Variants in LINGO2 observed in about 807,000 individuals in gnomAD.
LINGO2 encodes the protein leucine rich repeat and Ig domain containing 2, also known as leucine-rich repeat and immunoglobulin-like domain-containing nogo receptor-interacting protein 2.
Under a neutral mutation model 30.6 loss-of-function variants are expected in LINGO2, and 14 were observed. That is an observed-to-expected ratio of 0.46 (90% CI 0.30 to 0.72). The LOEUF is 0.72. LINGO2 is among the 30% of genes least tolerant of loss of function. LINGO2 has a pLI of 0.07. For synonymous variants in LINGO2, 317 were observed against 288.5 expected (o/e 1.10, Z -1.00); for missense variants, 729 against 751.7 (o/e 0.97, Z 0.35).
At chr9:29,020,958 T>C in the LINGO2 span, among the ~76,000 whole-genome samples, 23 of 152,172 alleles carry the variant, frequency 1.5e-4, no homozygotes, top group East Asian at 4.1e-3. Flanking sequence ...AAAATAAGCA[T>C]AATAAAAGTC....
chr9:28,497,698 G>A (rs766840073), intron 1 of LINGO2, among the ~76,000 whole-genome samples: 2 of 152,158 alleles, frequency 1.3e-5, no homozygotes, highest in Non-Finnish European at 2.9e-5. Flanking sequence ...TCCGTTGCTG[G>A]TGAGGAGTTG....
chr9:28,310,259 G>T (rs1433885266), intron 3 of LINGO2, among the ~76,000 whole-genome samples: 1 of 152,006 alleles, frequency 6.6e-6, no homozygotes. Flanking sequence ...AACTTTTTTG[G>T]CAGTTTTCCA....
At chr9:28,007,007 C>G (rs1399738923) in intron 5 of LINGO2, among the ~76,000 whole-genome samples, 2 of 152,124 alleles carry the variant, frequency 1.3e-5, no homozygotes, top group Non-Finnish European at 2.9e-5. Flanking sequence ...TGCTTCCAAT[C>G]TGGACCCTTG....
intron 1 of LINGO2, among the ~76,000 whole-genome samples, chr9:28,657,117 C>T (rs971628467): frequency 6.7e-6 from 1 of 149,264 alleles, no homozygotes. Flanking sequence ...TCTTGACCCA[C>T]CAAAAAAAAT....
the LINGO2 span, among the ~76,000 whole-genome samples, chr9:28,782,358 C>T: frequency 6.6e-6 from 1 of 152,152 alleles, no homozygotes; most frequent in Non-Finnish European, 1.5e-5. Context: ...TCCCTTCATT[C>T]ATTCACTGTG....
intron 1 of LINGO2, among the ~76,000 whole-genome samples, chr9:28,665,754 T>G (rs1828775634): frequency 6.6e-6 from 1 of 152,168 alleles, no homozygotes; most frequent in African/African-American, 2.4e-5. Context: ...TGCAGATGAA[T>G]GAAAATGATT....
At chr9:28,297,478 A>G (rs1232169903) in intron 3 of LINGO2, among the ~76,000 whole-genome samples, 3 of 152,188 alleles carry the variant, frequency 2.0e-5, no homozygotes, top group African/African-American at 7.2e-5. Context: ...TGAAAAGATT[A>G]TCACTGATTC....
At chr9:28,893,579 ATTTT>A in the LINGO2 span, among the ~76,000 whole-genome samples, 1 of 151,360 alleles carries the variant, frequency 6.6e-6, no homozygotes, top group Non-Finnish European at 1.5e-5. Flanking sequence ...AATGGTTATC[ATTTT>A]TTTTTTTAAT....
chr9:28,424,269 G>A (rs1823316718), intron 2 of LINGO2, among the ~76,000 whole-genome samples: 1 of 152,150 alleles, frequency 6.6e-6, no homozygotes, highest in Admixed American at 6.6e-5. Context: ...TGAAGGAAGT[G>A]AAGTTATACA....
At chr9:28,890,693 T>C in the LINGO2 span, among the ~76,000 whole-genome samples, 1 of 152,060 alleles carries the variant, frequency 6.6e-6, no homozygotes, top group Non-Finnish European at 1.5e-5. Context: ...TCTATTTATG[T>C]AAATCATATG....
At chr9:28,592,479 G>T (rs1824964420) in intron 1 of LINGO2, among the ~76,000 whole-genome samples, 1 of 152,040 alleles carries the variant, frequency 6.6e-6, no homozygotes, top group South Asian at 2.1e-4. Flanking sequence ...TACTGAGTTT[G>T]CTTTCAAGCT....
At chr9:27,972,878 T>C (rs1820421087) in intron 5 of LINGO2, among the ~76,000 whole-genome samples, 1 of 152,206 alleles carries the variant, frequency 6.6e-6, no homozygotes, top group Non-Finnish European at 1.5e-5. Context: ...AACACTTGAA[T>C]CAGTAGGCCA....
the LINGO2 span, among the ~76,000 whole-genome samples, chr9:28,795,240 T>C: frequency 9.8e-5 from 15 of 152,296 alleles, no homozygotes; most frequent in African/African-American, 3.6e-4. Flanking sequence ...TCCAGTGTAG[T>C]CTTAGCAAAT....
intron 4 of LINGO2, among the ~76,000 whole-genome samples, chr9:28,235,363 G>A (rs1214139445): frequency 6.6e-6 from 1 of 152,132 alleles, no homozygotes; most frequent in Admixed American, 6.5e-5. Context: ...GCCTCCCCAG[G>A]AAGGACATAT....
chr9:28,004,794 A>G (rs936696944), intron 5 of LINGO2, among the ~76,000 whole-genome samples: 2 of 152,156 alleles, frequency 1.3e-5, no homozygotes, highest in African/African-American at 4.8e-5. Context: ...AAATAGGGTG[A>G]TGGTTTGAAA....
the LINGO2 span, among the ~76,000 whole-genome samples, chr9:28,924,214 A>T: frequency 6.6e-6 from 1 of 151,648 alleles, no homozygotes; most frequent in Non-Finnish European, 1.5e-5. Context: ...GCTCTGGGTA[A>T]GTATTCTTTC....
At chr9:28,214,857 T>C (rs4364711) in intron 4 of LINGO2, among the ~76,000 whole-genome samples, 130,272 of 151,510 alleles carry the variant, frequency 0.86, 56,226 homozygotes, top group Non-Finnish European at 0.9. Flanking sequence ...AGCTTATTTC[T>C]CAATCTTTCT....
the LINGO2 span, among the ~76,000 whole-genome samples, chr9:28,871,335 T>C: frequency 1.3e-5 from 2 of 151,614 alleles, no homozygotes; most frequent in Non-Finnish European, 1.5e-5. Context: ...TATAAGCTCA[T>C]TGAAAATATA....
intron 2 of LINGO2, among the ~76,000 whole-genome samples, chr9:28,459,501 G>GAA (rs11412976): frequency 6.6e-6 from 1 of 151,278 alleles, no homozygotes; most frequent in Non-Finnish European, 1.5e-5. Flanking sequence ...CTATGTGCCA[G>GAA]AAAAAAAAGT....
Sources: gnomAD v4.1 joint callset for allele counts (sites outside exome capture counted in the v4.1 genomes callset) on GRCh38, gnomAD v4.1.1 for gene constraint, MANE v1.5 for transcripts, NCBI Gene and HGNC (gene_info 2026-07-23, HGNC 2026-07-21) for gene names.